The following KDM2B variants were observed in gnomAD, a reference collection of about 807,000 sequenced individuals.
KDM2B encodes the protein lysine-specific demethylase 2B.
KDM2B carries 26 observed loss-of-function variants against 150.0 expected under a neutral mutation model. That is an observed-to-expected ratio of 0.17 (90% CI 0.13 to 0.24). The LOEUF is 0.24. KDM2B is among the 10% of genes least tolerant of loss of function. The pLI, the probability that KDM2B is intolerant of heterozygous loss-of-function variation, is 1.00. For missense variants in KDM2B, 1,265 were observed against 1,816.9 expected (o/e 0.70, Z 5.52); for synonymous variants, 734 against 729.5 (o/e 1.01, Z -0.10).
chr12:121,438,735 A>T (rs1874432982), intron 22 of KDM2B, among the ~76,000 whole-genome samples: 1 of 152,168 alleles, frequency 6.6e-6, no homozygotes. Context: ...TGTGGGATGC[A>T]GAGGAGAAAA....
Position 121,517,901 on chromosome 12 carries a change from T to A in KDM2B, c.1047+3084A>T, listed in dbSNP as rs1276614250. Among the ~76,000 whole-genome samples the A allele has an allele frequency of 1.3e-5, 2 of 151,852 alleles. 1 individual carries two copies. The highest frequency in any genetic ancestry group is 2.9e-5 in the Non-Finnish European group (2 of 67,974). On this transcript the variant is annotated intron_variant, in intron 9 of 22. Transcript: ENST00000377071. Reference sequence around the variant, plus strand: ...TTTTAGGACTCTTAAAACACTTTTTTTGAGGGGGGGGATGGAGTTTCGCTC... The same window carrying A: ...TTTTAGGACTCTTAAAACACTTTTTATGAGGGGGGGGATGGAGTTTCGCTC...
rs183567006 is a variant in KDM2B at position 121,558,441 on chromosome 12, T to G, written c.398-8803A>C. ...AGACATGTGTGGAGAAGGCCTGTGT[T>G]TCCTTTTCTTTTTCTTTTTTTTTTT... On this transcript the variant is annotated intron_variant, in intron 4 of 22. Coordinates refer to ENST00000377071, the MANE Select transcript of KDM2B (RefSeq NM_032590.5). Among the ~76,000 whole-genome samples the G allele has an allele frequency of 4.8e-5, 7 of 146,760 alleles. No homozygotes were observed. The East Asian group carries it at 1.4e-3, about 29-fold the overall frequency.
At chr12:121,516,887 A>C in intron 9 of KDM2B, 1 of 657,454 alleles carries the variant, frequency 1.5e-6, no homozygotes, top group Admixed American at 2.6e-5. Context: ...AAAAAAAATC[A>C]ATGGAAAAAA....
intron 13 of KDM2B, among the ~76,000 whole-genome samples, chr12:121,450,818 G>T (rs1032990237): frequency 7.3e-5 from 11 of 151,160 alleles, no homozygotes; most frequent in Non-Finnish European, 1.0e-4. Context: ...CCGAGATCGT[G>T]CCACTGCACT....
chr12:121,534,572 C>A lies in KDM2B; in HGVS notation c.702G>T (p.Val234=). 2 of 1,613,984 alleles carry A rather than the reference C, an allele frequency of 1.2e-6. No individual in the cohort carries two copies. Among genetic ancestry groups the A allele is most frequent in the Non-Finnish European group, 1.7e-6 (2 of 1,179,844 alleles). Residue 234 remains valine, a synonymous_variant, in exon 7 of 23, where the codon GTG becomes GTT. Coordinates refer to ENST00000377071, the MANE Select transcript of KDM2B (RefSeq NM_032590.5). ...TGTGGAAGTCGGTGAAACAACCTTT[C>A]ACGCTCATCAGACAGTACCTGCAAC... ...PKVKKYCLMS[V]KGCFTDFHID...
intron 4 of KDM2B, among the ~76,000 whole-genome samples, chr12:121,563,621 A>G (rs1555314265): frequency 5.3e-5 from 8 of 150,546 alleles, no homozygotes; most frequent in Non-Finnish European, 1.5e-5. Context: ...AAAAGTCAAA[A>G]CAAAACAAAA....
At chr12:121,433,696 T>C (rs184074170) in intron 22 of KDM2B, among the ~76,000 whole-genome samples, 1 of 152,326 alleles carries the variant, frequency 6.6e-6, no homozygotes, top group East Asian at 1.9e-4. Context: ...CTAGTAGTAT[T>C]TTTTGCAGAA....
At chr12:121,561,249 G>A (rs1331991514) in intron 4 of KDM2B, among the ~76,000 whole-genome samples, 6 of 152,004 alleles carry the variant, frequency 3.9e-5, no homozygotes, top group Non-Finnish European at 7.4e-5. Flanking sequence ...ACACGGGCGC[G>A]ACCCCAAACT....
chr12:121,499,580 A>G (rs1884320160), intron 11 of KDM2B, among the ~76,000 whole-genome samples: 1 of 151,904 alleles, frequency 6.6e-6, no homozygotes, highest in Non-Finnish European at 1.5e-5. Context: ...TGAGCCCAGG[A>G]GTTCGAGGCT....
chr12:121,451,739 C>T (rs1566280381), intron 13 of KDM2B, among the ~76,000 whole-genome samples: 1 of 151,900 alleles, frequency 6.6e-6, no homozygotes, highest in African/African-American at 2.4e-5. Flanking sequence ...TGATGAAGCC[C>T]CGTCTGTACT....
intron 4 of KDM2B, among the ~76,000 whole-genome samples, chr12:121,568,549 T>C (rs1890871062): frequency 1.3e-5 from 2 of 152,008 alleles, no homozygotes; most frequent in Non-Finnish European, 2.9e-5. Flanking sequence ...TATGGACGAA[T>C]TGTATATACA....
chr12:121,465,086 GA>G (rs1191306622), intron 12 of KDM2B, among the ~76,000 whole-genome samples: 8 of 150,918 alleles, frequency 5.3e-5, no homozygotes, highest in South Asian at 2.1e-4. Flanking sequence ...CACTGAGTGG[GA>G]AAAAAAAATC....
chr12:121,577,899 A>C (rs1555317095), intron 2 of KDM2B, among the ~76,000 whole-genome samples: 1 of 152,078 alleles, frequency 6.6e-6, no homozygotes, highest in African/African-American at 2.4e-5. Context: ...CCAGGGCGTC[A>C]CCTTAACATC....
At chr12:121,514,567 C>A (rs1358568483) in intron 9 of KDM2B, among the ~76,000 whole-genome samples, 1 of 151,712 alleles carries the variant, frequency 6.6e-6, no homozygotes, top group African/African-American at 2.4e-5. Context: ...TCTCACATGC[C>A]CACACTCACA....
At chr12:121,566,216 C>T (rs182541739) in intron 4 of KDM2B, among the ~76,000 whole-genome samples, 7 of 152,154 alleles carry the variant, frequency 4.6e-5, no homozygotes, top group East Asian at 1.9e-4. Flanking sequence ...CTAGGCCAGG[C>T]GTGGTGGCTC....
chr12:121,506,703 C>T (rs1555303001), intron 11 of KDM2B, among the ~76,000 whole-genome samples: 5 of 151,924 alleles, frequency 3.3e-5, no homozygotes, highest in East Asian at 1.9e-4. Flanking sequence ...TTTGGGAGGC[C>T]GAGGCGGGCG....
intron 12 of KDM2B, among the ~76,000 whole-genome samples, chr12:121,493,329 T>A (rs782662996): frequency 6.6e-6 from 1 of 152,126 alleles, no homozygotes; most frequent in Non-Finnish European, 1.5e-5. Context: ...TCAGCCCTTG[T>A]CTGAAGGGTT....
the KDM2B span, among the ~76,000 whole-genome samples, chr12:121,412,270 C>T: frequency 0.028 from 3,947 of 141,772 alleles, 191 homozygotes; most frequent in African/African-American, 0.1. Flanking sequence ...GATGGAGTCC[C>T]GCTCTGTTGC....
chr12:121,473,022 A>T (rs1243538839), intron 12 of KDM2B, among the ~76,000 whole-genome samples: 1 of 152,160 alleles, frequency 6.6e-6, no homozygotes, highest in African/African-American at 2.4e-5. Context: ...CCAAAAAAGG[A>T]CCTTGGAGAA....
Sources: gnomAD v4.1 joint callset for allele counts (sites outside exome capture counted in the v4.1 genomes callset) on GRCh38, gnomAD v4.1.1 for gene constraint, MANE v1.5 for transcripts, NCBI Gene and HGNC (gene_info 2026-07-23, HGNC 2026-07-21) for gene names.